ERAP1: variants seen among roughly 807,000 people sequenced by gnomAD.
The protein encoded by ERAP1 is endoplasmic reticulum aminopeptidase 1.
ERAP1 carries 86 observed loss-of-function variants against 103.7 expected under a neutral mutation model. The ratio of observed to expected loss-of-function variants is 0.83; its 90% CI spans 0.70 to 0.99. The LOEUF (loss-of-function observed/expected upper bound fraction) is 0.99. Among genes scored for constraint, ERAP1 ranks in the 50% least tolerant of loss-of-function variants. The pLI, the probability that ERAP1 is intolerant of heterozygous loss-of-function variation, is 0.00. For synonymous variants in ERAP1, 398 were observed against 402.4 expected (o/e 0.99, Z 0.13); for missense variants, 1,009 against 1,128.4 (o/e 0.89, Z 1.52).
rs879543923 is a variant in ERAP1 at position 96,807,668 on chromosome 5, TCGCGCCCCGTCGCCTTCCTCC to T, written c.-18+171_-18+191del. On this transcript the variant is annotated intron_variant, in intron 1 of 18. Coordinates refer to ENST00000443439, the MANE Select transcript of ERAP1 (RefSeq NM_001040458.3). ...CCCCCCGCCCTTCCCGCGCCCTGTC[TCGCGCCCCGTCGCCTTCCTCC>T]CGCGCCCCGTCGCCTTCCTCCCGCG... 9.3e-3 allele frequency among the ~76,000 whole-genome samples: 1,401 copies of T among 150,904 alleles called. 19 individuals are homozygous for T. Among genetic ancestry groups the T allele is most frequent in the African/African-American group, 0.031 (1,289 of 41,076 alleles).
chr5:96,903,358 G>A, the ERAP1 span: 1 of 1,585,358 alleles, frequency 6.3e-7, no homozygotes, highest in East Asian at 2.2e-5. Context: ...AAATGCCTAT[G>A]CCAATCTTAT....
the ERAP1 span, chr5:96,909,593 A>G: frequency 7.4e-6 from 12 of 1,613,842 alleles, no homozygotes; most frequent in Admixed American, 5.0e-5. Context: ...TACCTTCTTC[A>G]GTATTTTAAG....
At chr5:96,766,267 G>A in intron 19 of ERAP1, 1 of 594,066 alleles carries the variant, frequency 1.7e-6, no homozygotes, top group South Asian at 2.2e-5. Flanking sequence ...ATGACTGACT[G>A]CTTCTAATGT....
chr5:96,832,185 A>G, the ERAP1 span, among the ~76,000 whole-genome samples: 2 of 152,178 alleles, frequency 1.3e-5, no homozygotes, highest in African/African-American at 2.4e-5. Context: ...TCACTATATT[A>G]ACGGAAGCTC....
the ERAP1 span, chr5:96,900,111 T>C: frequency 6.2e-7 from 1 of 1,613,748 alleles, no homozygotes; most frequent in Non-Finnish European, 8.5e-7. Flanking sequence ...CTTTTGTTCT[T>C]GTTTTGTAGA....
In ERAP1 at chr5:96,783,163, G is replaced by A. The variant is rs780170182; in HGVS notation, c.2173C>T (p.Arg725Ter). The change falls in exon 15 of 19, where the codon CGA becomes TGA. Residue 725 changes from arginine to a stop codon, truncating the protein, a stop_gained. Transcript: ENST00000443439. LOFTEE classifies it high-confidence loss of function. ...TWTDEGSVSE[R>*]MLRSQLLLLA... Reference sequence around the variant, plus strand: ...AGTAGTAGTTGACTCCGCAGCATTCGCTCTGAGACTGAGCCCTCGTCTGTC... The same window carrying A: ...AGTAGTAGTTGACTCCGCAGCATTCACTCTGAGACTGAGCCCTCGTCTGTC... The A allele has an allele frequency of 4.5e-5, 73 of 1,614,058 alleles. No homozygotes were observed. Among genetic ancestry groups the A allele is most frequent in the Non-Finnish European group, 5.1e-5 (60 of 1,180,042 alleles).
At chr5:96,864,853 C>T in the ERAP1 span, among the ~76,000 whole-genome samples, 1 of 151,502 alleles carries the variant, frequency 6.6e-6, no homozygotes, top group African/African-American at 2.4e-5. Flanking sequence ...TAAGTTAAAA[C>T]TATAAAAATA....
chr5:96,845,549 T>C, the ERAP1 span, among the ~76,000 whole-genome samples: 5 of 152,368 alleles, frequency 3.3e-5, no homozygotes, highest in African/African-American at 1.2e-4. Context: ...ACTTATTAAT[T>C]ATATGTATAT....
rs1561658439 is a variant in ERAP1 at position 96,776,432 on chromosome 5, T to A, written c.2790A>T (p.Arg930Ser). The change falls in exon 19 of 19, where the codon AGA (arginine) becomes AGT (serine). Residue 930 changes from arginine (R) to serine (S), a missense_variant. Coordinates refer to ENST00000443439, the MANE Select transcript of ERAP1 (RefSeq NM_001040458.3). The stretch of plus-strand genomic sequence containing the variant: ...CAAGCTTTTCACTTTGCAGCCACAC[T>A]CTGATTTTATCAAAATTCTTATCCA... ...GWMDKNFDKIRVWLQSEKLER... is the reference protein window; with the variant it reads ...GWMDKNFDKISVWLQSEKLER... 50 of 1,613,684 alleles carry A rather than the reference T, an allele frequency of 3.1e-5. No individual in the cohort carries two copies. Among genetic ancestry groups the A allele is most frequent in the Non-Finnish European group, 4.1e-5 (48 of 1,179,932 alleles).
chr5:96,800,472 CTG>C (rs1777858658), intron 3 of ERAP1, among the ~76,000 whole-genome samples: 1 of 152,086 alleles, frequency 6.6e-6, no homozygotes, highest in Non-Finnish European at 1.5e-5. Context: ...GAGAAAATAA[CTG>C]TATGCTAAAA....
chr5:96,860,824 A>G, the ERAP1 span, among the ~76,000 whole-genome samples: 2 of 152,134 alleles, frequency 1.3e-5, no homozygotes, highest in South Asian at 4.1e-4. Flanking sequence ...AAGAAATCAG[A>G]CTCAAATTTC....
the ERAP1 span, among the ~76,000 whole-genome samples, chr5:96,875,556 A>G: frequency 0.087 from 13,207 of 151,660 alleles, 677 homozygotes; most frequent in Middle Eastern, 0.14. Context: ...AAAAGAAAAG[A>G]AAAGGAAAAA....
chr5:96,880,155 C>T, the ERAP1 span: 37 of 1,613,916 alleles, frequency 2.3e-5, no homozygotes, highest in East Asian at 6.7e-5. Context: ...GAGAAACTTA[C>T]GCCTCACCTG....
chr5:96,762,290 A>C (rs762727729), exon 20 of ERAP1: 1 of 1,607,366 alleles, frequency 6.2e-7, no homozygotes, highest in Non-Finnish European at 8.5e-7. Context: ...GAAGATGCTA[A>C]ACTTGCTGCT....
chr5:96,848,568 C>A, the ERAP1 span: 1 of 151,962 alleles, frequency 6.6e-6, no homozygotes, highest in Non-Finnish European at 1.5e-5. Flanking sequence ...TGTAACCTAC[C>A]AAAACTCCAT....
chr5:96,922,321 A>G, the ERAP1 span, among the ~76,000 whole-genome samples: 1 of 152,176 alleles, frequency 6.6e-6, no homozygotes, highest in Non-Finnish European at 1.5e-5. Context: ...AAAAACAAAA[A>G]AAACTGTTTT....
the ERAP1 span, among the ~76,000 whole-genome samples, chr5:96,888,083 C>A: frequency 2.7e-5 from 4 of 150,540 alleles, no homozygotes; most frequent in Admixed American, 1.3e-4. Context: ...TGACATTGCA[C>A]CAGGCACTCC....
the ERAP1 span, among the ~76,000 whole-genome samples, chr5:96,889,695 T>C: frequency 6.0e-4 from 91 of 152,164 alleles, no homozygotes; most frequent in Admixed American, 2.6e-3. Context: ...CAAGATGCTG[T>C]GGCTCCCTGT....
At position 96,803,903 on chromosome 5, in the gene ERAP1, C is replaced by T. The variant is rs1360232192; in HGVS notation, c.24G>A (p.Trp8Ter). The change falls in exon 2 of 19, where the codon TGG becomes TGA. Residue 8 changes from tryptophan (W) to a stop codon, truncating the protein, a stop_gained. Transcript: ENST00000443439. LOFTEE classifies it high-confidence loss of function. Reference sequence around the variant, plus strand: ...GTAGAAATGACATGGTTGCAAGGGACCATTTGAGGGGCAGAAACACCATCT... The same window carrying T: ...GTAGAAATGACATGGTTGCAAGGGATCATTTGAGGGGCAGAAACACCATCT... MVFLPLK[W>*]SLATMSFLLS... 4 of 1,608,466 alleles carry T rather than the reference C, an allele frequency of 2.5e-6. No individual in the cohort carries two copies. The highest frequency in any genetic ancestry group is 3.3e-5 in the Admixed American group (2 of 59,990).
Sources: gnomAD v4.1 joint callset for allele counts (sites outside exome capture counted in the v4.1 genomes callset) on GRCh38, gnomAD v4.1.1 for gene constraint, MANE v1.5 for transcripts, NCBI Gene and HGNC (gene_info 2026-07-23, HGNC 2026-07-21) for gene names.